PLXDC2: variants seen among roughly 807,000 people sequenced by gnomAD.
PLXDC2 encodes plexin domain containing 2.
PLXDC2 carries 40 observed loss-of-function variants against 68.9 expected under a neutral mutation model. That is an observed-to-expected ratio of 0.58 (90% CI 0.45 to 0.76). The LOEUF (loss-of-function observed/expected upper bound fraction) is 0.76, where lower values mean the gene tolerates loss of function less well. PLXDC2 is among the 30% of genes least tolerant of loss of function. PLXDC2 has a pLI of 0.00. For missense variants in PLXDC2, 644 were observed against 661.9 expected (o/e 0.97, Z 0.30); for synonymous variants, 243 against 234.2 (o/e 1.04, Z -0.34).
chr10:20,068,847 C>T (rs989667055), intron 4 of PLXDC2, among the ~76,000 whole-genome samples: 6 of 151,792 alleles, frequency 4.0e-5, no homozygotes, highest in Non-Finnish European at 8.8e-5. Flanking sequence ...TAGCAATATC[C>T]TAGCAAAGTA....
intron 7 of PLXDC2, among the ~76,000 whole-genome samples, chr10:20,169,932 T>G (rs2131819945): frequency 6.6e-6 from 1 of 152,316 alleles, no homozygotes; most frequent in Non-Finnish European, 1.5e-5. Flanking sequence ...TGGTACTTTC[T>G]TAACATCAGG....
In PLXDC2 at chr10:19,817,092, C is replaced by G; in HGVS notation, c.13C>G (p.Pro5Ala). The G allele has an allele frequency of 1.3e-6, 2 of 1,554,906 alleles. No homozygotes were observed. Among genetic ancestry groups the G allele is most frequent in the Non-Finnish European group, 1.7e-6 (2 of 1,148,678 alleles). Residue 5 changes from proline (P) to alanine (A), a missense_variant, in exon 1 of 14, where the codon CCG becomes GCG. This residue lies in a region of PLXDC2 where 201 missense variants were observed against 166.9 expected (regional missense o/e 1.20). Transcript: ENST00000377252. ...TGGCGGCGGCGGCATGGCGAGGTTC[C>G]CGAAGGCCGACCTGGCCGCTGCAGG... Reference protein sequence around the residue: MARFPKADLAAAGVM... With the variant: MARFAKADLAAAGVM...
chr10:20,032,923 C>G (rs61221768), intron 2 of PLXDC2, among the ~76,000 whole-genome samples: 1 of 149,140 alleles, frequency 6.7e-6, no homozygotes, highest in African/African-American at 2.5e-5. Flanking sequence ...TAATCATTTT[C>G]TTAGTTTTAA....
intron 2 of PLXDC2, among the ~76,000 whole-genome samples, chr10:20,004,881 G>A (rs1835001518): frequency 6.6e-6 from 1 of 152,146 alleles, no homozygotes; most frequent in South Asian, 2.1e-4. Context: ...AGTAAAAAGA[G>A]GGCAGAAGGA....
At chr10:19,916,551 CAATT>C (rs890793019) in intron 1 of PLXDC2, among the ~76,000 whole-genome samples, 24 of 152,020 alleles carry the variant, frequency 1.6e-4, no homozygotes, top group African/African-American at 5.6e-4. Context: ...TGGTAGCCAA[CAATT>C]ATTTATAGGC....
At chr10:20,167,962 T>C (rs1834396806) in intron 7 of PLXDC2, among the ~76,000 whole-genome samples, 1 of 152,114 alleles carries the variant, frequency 6.6e-6, no homozygotes, top group Non-Finnish European at 1.5e-5. Flanking sequence ...GACCCCCAAA[T>C]AGTAAATGAT....
chr10:20,147,935 C>T (rs774960751), intron 6 of PLXDC2, 33 bp downstream of exon 6: 1 of 1,458,190 alleles, frequency 6.9e-7, no homozygotes, highest in South Asian at 1.1e-5. Context: ...CTTTCCCTTC[C>T]CCTTGTTCTT....
At chr10:19,852,569 A>G (rs1299138849) in intron 1 of PLXDC2, among the ~76,000 whole-genome samples, 1 of 152,102 alleles carries the variant, frequency 6.6e-6, no homozygotes, top group Non-Finnish European at 1.5e-5. Context: ...TGGATTCTAG[A>G]AAACAAAGTT....
At chr10:20,087,731 G>A (rs1589623138) in intron 4 of PLXDC2, among the ~76,000 whole-genome samples, 1 of 152,164 alleles carries the variant, frequency 6.6e-6, no homozygotes, top group African/African-American at 2.4e-5. Context: ...AACCAAGGCC[G>A]ATATATTTGC....
At chr10:19,962,864 C>A (rs974545065) in intron 1 of PLXDC2, among the ~76,000 whole-genome samples, 109 of 150,702 alleles carry the variant, frequency 7.2e-4, no homozygotes, top group African/African-American at 2.5e-3. Flanking sequence ...GTGGCTGGTG[C>A]CTGTAGTCCC....
At chr10:19,881,155 A>C (rs1047425752) in intron 1 of PLXDC2, among the ~76,000 whole-genome samples, 1 of 151,822 alleles carries the variant, frequency 6.6e-6, no homozygotes, top group Admixed American at 6.6e-5. Context: ...TTGCTCTGTC[A>C]CCCAGGCTGG....
At position 20,164,564 on chromosome 10, in the gene PLXDC2, C is replaced by T. The variant is rs1834348338; in HGVS notation, c.880C>T (p.Pro294Ser). The stretch of plus-strand genomic sequence containing the variant: ...CGTTGTCCACAGGATCCAACAAATT[C>T]CCAGTACGTAGAAGAAGGGCAGTCG... Reference protein sequence around the residue: ...FVVVHRIQQIPNVRRRTIYEY... With the variant: ...FVVVHRIQQISNVRRRTIYEY... The change falls in exon 7 of 14, where the codon CCC (proline) becomes TCC (serine). Residue 294 changes from proline to serine, a missense_variant. By Grantham distance (74) the Pro-to-Ser change is moderately conservative (BLOSUM62 -1). Around this residue, in one of 3 missense-constraint regions of PLXDC2, gnomAD observed 330 missense variants for 327.9 expected, o/e 1.01. Coordinates refer to ENST00000377252, the MANE Select transcript of PLXDC2 (RefSeq NM_032812.9). 1 of 1,608,506 alleles carries T rather than the reference C, an allele frequency of 6.2e-7. No homozygotes were observed. Among genetic ancestry groups the T allele is most frequent in the Non-Finnish European group, 8.5e-7 (1 of 1,175,258 alleles).
At chr10:20,222,424 C>T (rs1431750169) in intron 12 of PLXDC2, among the ~76,000 whole-genome samples, 3 of 152,188 alleles carry the variant, frequency 2.0e-5, no homozygotes, top group Non-Finnish European at 4.4e-5. Flanking sequence ...TGCTAAGTCA[C>T]TCTTGATGAA....
chr10:20,149,662 A>C (rs1184145639), intron 6 of PLXDC2, among the ~76,000 whole-genome samples: 1 of 152,102 alleles, frequency 6.6e-6, no homozygotes, highest in Admixed American at 6.5e-5. Flanking sequence ...ATAAGTGAGA[A>C]CATTTGGTAT....
rs1274265578 is a variant in PLXDC2 at position 20,284,040 on chromosome 10, G to T, written c.*4221G>T. 1 of 152,056 alleles carries T rather than the reference G, an allele frequency of 6.6e-6. No individual in the cohort carries two copies. Among genetic ancestry groups the T allele is most frequent in the African/African-American group, 2.4e-5 (1 of 41,410 alleles). 9.4% of individuals were successfully genotyped at this position (152,056 alleles called of 1,614,324 possible). Reference sequence around the variant, plus strand: ...AGTGTCTATTGCCCACTTGAGAAAGGTTTTGCCAGGATCCACAGATCGCTT... The same window carrying T: ...AGTGTCTATTGCCCACTTGAGAAAGTTTTTGCCAGGATCCACAGATCGCTT... On this transcript the variant is annotated 3_prime_UTR_variant, in exon 14 of 14. Coordinates refer to ENST00000377252, the MANE Select transcript of PLXDC2 (RefSeq NM_032812.9).
chr10:20,089,992 C>A (rs944534113), intron 4 of PLXDC2, among the ~76,000 whole-genome samples: 2 of 152,016 alleles, frequency 1.3e-5, no homozygotes, highest in Non-Finnish European at 1.5e-5. Context: ...ACTTGGGCAC[C>A]CTGGTAAACC....
At position 20,284,058 on chromosome 10, in the gene PLXDC2, G is replaced by C. The variant is rs1374644227; in HGVS notation, c.*4239G>C. On this transcript the variant is annotated 3_prime_UTR_variant, in exon 14 of 14. Transcript: ENST00000377252. ...GAGAAAGGTTTTGCCAGGATCCACA[G>C]ATCGCTTCAAGATGCTTTCGTTTAT... is the stretch of plus-strand genomic sequence containing the variant. 1 of 152,066 alleles carries C rather than the reference G, an allele frequency of 6.6e-6. No individual in the cohort carries two copies. Among genetic ancestry groups the C allele is most frequent in the Non-Finnish European group, 1.5e-5 (1 of 68,026 alleles). The allele number at this position is 152,066 out of a possible 1,614,324, so 9.4% of individuals were successfully genotyped here.
intron 1 of PLXDC2, among the ~76,000 whole-genome samples, chr10:19,984,187 C>T (rs1157257342): frequency 6.6e-6 from 1 of 152,166 alleles, no homozygotes; most frequent in Non-Finnish European, 1.5e-5. Flanking sequence ...ATCGTGTACC[C>T]CTATCTCAGG....
intron 1 of PLXDC2, among the ~76,000 whole-genome samples, chr10:19,914,126 G>GAAA (rs1564627297): frequency 3.4e-4 from 52 of 151,456 alleles, no homozygotes; most frequent in African/African-American, 1.2e-3. Flanking sequence ...AGGGAGGTAG[G>GAAA]GAGGAAGGAA....
Sources: allele counts gnomAD v4.1 joint callset (sites outside exome capture counted in the v4.1 genomes callset), GRCh38; gene constraint gnomAD v4.1.1; regional missense constraint gnomAD v4.1.1; transcripts MANE v1.5; gene names NCBI Gene and HGNC (gene_info 2026-07-23, HGNC 2026-07-21).